Variants in SORCS2 observed in about 807,000 individuals in gnomAD.
SORCS2 encodes the protein sortilin related VPS10 domain containing receptor 2.
Under a neutral mutation model 141.6 loss-of-function variants are expected in SORCS2, and 100 were observed. The observed-to-expected ratio is 0.71, with a 90% CI of 0.60 to 0.83. The LOEUF is 0.83. SORCS2 is among the 40% of genes least tolerant of loss of function. The pLI is 0.00. For missense variants in SORCS2, 1,646 were observed against 1,560.2 expected (o/e 1.05, Z -0.93); for synonymous variants, 789 against 676.9 (o/e 1.17, Z -2.57).
chr4:7,384,155 C>T (rs1231526492), intron 1 of SORCS2, among the ~76,000 whole-genome samples: 1 of 152,166 alleles, frequency 6.6e-6, no homozygotes, highest in Non-Finnish European at 1.5e-5. Flanking sequence ...CCAAGGGCTG[C>T]ATGGTGGAGT....
chr4:7,434,167 GC>G, intron 2 of SORCS2: 1 of 1,613,948 alleles, frequency 6.2e-7, no homozygotes. Context: ...AAGCCTCAGT[GC>G]TTGGTCAGCA....
At chr4:7,202,533 G>A (rs891789650) in intron 1 of SORCS2, among the ~76,000 whole-genome samples, 1 of 152,172 alleles carries the variant, frequency 6.6e-6, no homozygotes, top group African/African-American at 2.4e-5. Flanking sequence ...TCCTTCCTTA[G>A]TAATTTTCTT....
At chr4:7,285,117 C>A (rs2108866515) in intron 1 of SORCS2, among the ~76,000 whole-genome samples, 1 of 152,004 alleles carries the variant, frequency 6.6e-6, no homozygotes, top group East Asian at 1.9e-4. Context: ...ACCGCAACCT[C>A]CACCTCCTGG....
At chr4:7,348,375 G>A (rs1037096649) in intron 1 of SORCS2, among the ~76,000 whole-genome samples, 5 of 152,156 alleles carry the variant, frequency 3.3e-5, no homozygotes, top group South Asian at 4.1e-4. Context: ...ATGCTGTGTC[G>A]GACACCGCTC....
At chr4:7,321,437 A>C (rs1467189569) in intron 1 of SORCS2, among the ~76,000 whole-genome samples, 1 of 152,198 alleles carries the variant, frequency 6.6e-6, no homozygotes, top group African/African-American at 2.4e-5. Context: ...CAGGTTATAA[A>C]ACCAGTGTCC....
intron 1 of SORCS2, among the ~76,000 whole-genome samples, chr4:7,220,735 C>T (rs1209621675): frequency 2.0e-5 from 3 of 152,104 alleles, no homozygotes; most frequent in African/African-American, 7.2e-5. Flanking sequence ...GGTGGCCTCT[C>T]CAGGTGCGTC....
At chr4:7,477,919 G>T (rs1408966786) in intron 2 of SORCS2, among the ~76,000 whole-genome samples, 2 of 152,206 alleles carry the variant, frequency 1.3e-5, no homozygotes, top group African/African-American at 2.4e-5. Flanking sequence ...GTAAACTGAT[G>T]CACAAAGTCA....
chr4:7,539,494 C>T (rs921918212), intron 3 of SORCS2, among the ~76,000 whole-genome samples: 1 of 152,180 alleles, frequency 6.6e-6, no homozygotes, highest in Non-Finnish European at 1.5e-5. Flanking sequence ...CTGTGGGTCT[C>T]TCTCCCACCC....
At chr4:7,389,207 T>C (rs891120774) in intron 1 of SORCS2, among the ~76,000 whole-genome samples, 3 of 152,186 alleles carry the variant, frequency 2.0e-5, no homozygotes, top group East Asian at 3.9e-4. Context: ...TCTTCGTCCA[T>C]GTTGGCTGGC....
At chr4:7,308,576 G>A (rs1717983888) in intron 1 of SORCS2, among the ~76,000 whole-genome samples, 1 of 152,114 alleles carries the variant, frequency 6.6e-6, no homozygotes, top group African/African-American at 2.4e-5. Flanking sequence ...AATGAAGGGC[G>A]TGACCAGTTG....
intron 1 of SORCS2, among the ~76,000 whole-genome samples, chr4:7,264,863 G>A (rs891273662): frequency 8.5e-5 from 13 of 152,312 alleles, no homozygotes; most frequent in Admixed American, 2.0e-4. Context: ...GGCCCCCGGC[G>A]ATGTCCAGTC....
chr4:7,421,337 T>C (rs780017919), intron 2 of SORCS2, among the ~76,000 whole-genome samples: 1 of 152,180 alleles, frequency 6.6e-6, no homozygotes, highest in Non-Finnish European at 1.5e-5. Context: ...AACGCAGGCT[T>C]GTGGACCTGA....
chr4:7,580,911 A>G (rs1157266417), intron 3 of SORCS2, among the ~76,000 whole-genome samples: 4 of 152,104 alleles, frequency 2.6e-5, no homozygotes, highest in Non-Finnish European at 5.9e-5. Context: ...ATAATAATAG[A>G]TATGCCCTGG....
chr4:7,291,528 T>C (rs1012453115), intron 1 of SORCS2, among the ~76,000 whole-genome samples: 3 of 152,072 alleles, frequency 2.0e-5, no homozygotes, highest in African/African-American at 7.2e-5. Flanking sequence ...ACATGGCGTT[T>C]TGGGCCCCGG....
intron 1 of SORCS2, among the ~76,000 whole-genome samples, chr4:7,211,098 T>C (rs1455372625): frequency 6.6e-6 from 1 of 152,256 alleles, no homozygotes; most frequent in African/African-American, 2.4e-5. Context: ...ATTTTTTTCT[T>C]AAGTCAATAA....
chr4:7,632,808 C>T (rs1238343230), intron 3 of SORCS2, among the ~76,000 whole-genome samples: 1 of 152,194 alleles, frequency 6.6e-6, no homozygotes, highest in South Asian at 2.1e-4. Context: ...CAGAAGCAGA[C>T]CCACCAAGAG....
chr4:7,465,769 T>C (rs1729579044), intron 2 of SORCS2, among the ~76,000 whole-genome samples: 1 of 152,232 alleles, frequency 6.6e-6, no homozygotes, highest in Non-Finnish European at 1.5e-5. Flanking sequence ...TCCATCAAGA[T>C]GGTGAATAGA....
chr4:7,646,213 C>G (rs184604151), intron 4 of SORCS2, among the ~76,000 whole-genome samples: 1 of 152,216 alleles, frequency 6.6e-6, no homozygotes, highest in Non-Finnish European at 1.5e-5. Context: ...GCGTGAGCTC[C>G]GCACAGCGCA....
chr4:7,556,403 C>A (rs1442689588), intron 3 of SORCS2, among the ~76,000 whole-genome samples: 2 of 152,010 alleles, frequency 1.3e-5, no homozygotes, highest in Admixed American at 6.6e-5. Flanking sequence ...ACTCGCGCAG[C>A]CTCTGTGGCT....
Sources: gnomAD v4.1 joint callset for allele counts (sites outside exome capture counted in the v4.1 genomes callset) on GRCh38, gnomAD v4.1.1 for gene constraint, MANE v1.5 for transcripts, NCBI Gene and HGNC (gene_info 2026-07-23, HGNC 2026-07-21) for gene names.